Variants in GPBP1 observed in about 807,000 individuals in gnomAD.
The protein encoded by GPBP1 is GC-rich promoter binding protein 1.
GPBP1 carries 13 observed loss-of-function variants against 56.5 expected under a neutral mutation model. The ratio of observed to expected loss-of-function variants is 0.23; its 90% CI spans 0.15 to 0.37. The LOEUF (loss-of-function observed/expected upper bound fraction) is 0.37. Ranked by LOEUF, GPBP1 falls within the 10% of genes least tolerant of loss-of-function variation. GPBP1 has a pLI of 1.00. For missense variants in GPBP1, 477 were observed against 572.3 expected (o/e 0.83, Z 1.70); for synonymous variants, 204 against 188.9 (o/e 1.08, Z -0.66).
chr5:57,205,375 T>G (rs943955498), intron 2 of GPBP1, among the ~76,000 whole-genome samples: 3 of 152,238 alleles, frequency 2.0e-5, no homozygotes, highest in Non-Finnish European at 4.4e-5. Flanking sequence ...AGTGCTGTTT[T>G]GAACACTGGT....
intron 2 of GPBP1, among the ~76,000 whole-genome samples, chr5:57,187,829 T>G (rs979431111): frequency 2.0e-5 from 3 of 151,878 alleles, no homozygotes; most frequent in African/African-American, 7.3e-5. Flanking sequence ...AGGGAGAGAT[T>G]ATGAATTGGA....
At chr5:57,193,636 A>AC (rs58367906) in intron 2 of GPBP1, among the ~76,000 whole-genome samples, 13 of 149,914 alleles carry the variant, frequency 8.7e-5, no homozygotes, top group African/African-American at 3.2e-4. Context: ...AAAAAAAAAA[A>AC]CTATGAAAAG....
intron 8 of GPBP1, among the ~76,000 whole-genome samples, chr5:57,248,419 A>ATTTTTT (rs70999069): frequency 1.0e-5 from 1 of 99,352 alleles, no homozygotes; most frequent in Non-Finnish European, 1.8e-5. Flanking sequence ...CTCATATACT[A>ATTTTTT]TTTTTTTTTT....
chr5:57,186,404 T>G (rs115915471), intron 2 of GPBP1, among the ~76,000 whole-genome samples: 4 of 118,418 alleles, frequency 3.4e-5, no homozygotes, highest in Middle Eastern at 4.7e-3. Context: ...AAAAAAAAAA[T>G]TTTTTTTTCT....
chr5:57,211,105 C>T (rs1028212576), intron 2 of GPBP1, among the ~76,000 whole-genome samples: 3 of 150,966 alleles, frequency 2.0e-5, no homozygotes, highest in Admixed American at 6.6e-5. Flanking sequence ...ACTTGTGAAA[C>T]TTTAATTAGC....
intron 3 of GPBP1, among the ~76,000 whole-genome samples, chr5:57,214,853 G>A (rs756972057): frequency 8.5e-5 from 13 of 152,142 alleles, no homozygotes; most frequent in Non-Finnish European, 4.4e-5. Context: ...GTAGAGGTGA[G>A]GTTTTGCCAT....
rs775993166 is a variant in GPBP1 at position 57,262,622 on chromosome 5, G to T, written c.1292G>T (p.Gly431Val). The change falls in exon 12 of 12, where the codon GGT becomes GTT. Residue 431 changes from glycine to valine, a missense_variant. Around this residue, in one of 2 missense-constraint regions of GPBP1, gnomAD observed 63 missense variants for 114.0 expected, o/e 0.55. Transcript: ENST00000506184. ...QLQKNGLRKN[G>V]ILKNGLICDF... ...CAGAAGAATGGTCTGAGAAAAAATG[G>T]TATTTTGAAAAATGGCTTGATCTGT... is the stretch of plus-strand genomic sequence containing the variant. The T allele has an allele frequency of 5.0e-6, 8 of 1,613,058 alleles. No individual in the cohort carries two copies. The highest frequency in any genetic ancestry group is 1.7e-5 in the Admixed American group (1 of 59,888).
chr5:57,179,292 T>C (rs1368308733), intron 2 of GPBP1, among the ~76,000 whole-genome samples: 1 of 152,258 alleles, frequency 6.6e-6, no homozygotes, highest in African/African-American at 2.4e-5. Context: ...CTAAGAGATA[T>C]TACTGTTTTG....
intron 2 of GPBP1, among the ~76,000 whole-genome samples, chr5:57,208,625 C>CA (rs1755338877): frequency 6.6e-6 from 1 of 150,400 alleles, no homozygotes; most frequent in Non-Finnish European, 1.5e-5. Flanking sequence ...TCCCAGTCCT[C>CA]AAACACAGGG....
chr5:57,179,874 G>C (rs911467583), intron 2 of GPBP1, among the ~76,000 whole-genome samples: 3 of 152,126 alleles, frequency 2.0e-5, no homozygotes, highest in Non-Finnish European at 4.4e-5. Flanking sequence ...TGGGATTATG[G>C]GTGAGAGCCA....
intron 2 of GPBP1, among the ~76,000 whole-genome samples, chr5:57,190,487 G>A (rs957386537): frequency 6.6e-6 from 1 of 151,732 alleles, no homozygotes; most frequent in South Asian, 2.1e-4. Context: ...GGGAGGCTGA[G>A]GCGGGAGAAC....
chr5:57,231,222 A>C lies in GPBP1; in HGVS notation c.312A>C (p.Ala104=), dbSNP rs773157793. 1 of 1,614,142 alleles carries C rather than the reference A, an allele frequency of 6.2e-7. No homozygotes were observed. Among genetic ancestry groups the C allele is most frequent in the South Asian group, 1.1e-5 (1 of 91,076 alleles). The part of the protein sequence containing the change: ...SSRSRSSIFH[A]GKSQGLHENN... ...GTTCTCGTAGCAGTATTTTCCATGC[A>C]GGAAAAAGCCAAGGACTACATGAAA... The change falls in exon 5 of 12, where the codon GCA becomes GCC. Residue 104 remains alanine (A), a synonymous_variant. Transcript: ENST00000506184.
At position 57,262,853 on chromosome 5, in the gene GPBP1, C is replaced by T. The variant is rs200140806; in HGVS notation, c.*101C>T. The T allele has an allele frequency of 1.2e-5, 13 of 1,082,332 alleles. No homozygotes were observed. The East Asian group carries it at 3.2e-4, about 27-fold the overall frequency. The allele number at this position is 1,082,332 out of a possible 1,614,324, so 67.0% of individuals were successfully genotyped here. On this transcript the variant is annotated 3_prime_UTR_variant, in exon 12 of 12. Transcript: ENST00000506184. The stretch of plus-strand genomic sequence containing the variant: ...GAACTATAATTTATGTAGTGAAATA[C>T]CCCATTAGAAGAGGATTTTTTGGGG...
rs552621365 is a variant in GPBP1, at chr5:57,227,129, C to T, written c.64-3717C>T. 1.4e-4 allele frequency among the ~76,000 whole-genome samples: 22 copies of T among 152,090 alleles called. No individual in the cohort carries two copies. In the South Asian group the frequency reaches 1.5e-3, roughly 10 times the overall value. ...GTGCAGTGGTGCAATCTTGGCTGACCGCAACCTCCACCTCCCAGGTTCAAG... is the reference window on the plus strand; with the variant it reads ...GTGCAGTGGTGCAATCTTGGCTGACTGCAACCTCCACCTCCCAGGTTCAAG... On this transcript the variant is annotated intron_variant, in intron 3 of 11. Transcript: ENST00000506184.
intron 2 of GPBP1, among the ~76,000 whole-genome samples, chr5:57,193,684 T>G (rs1754628400): frequency 6.6e-6 from 1 of 151,678 alleles, no homozygotes; most frequent in African/African-American, 2.4e-5. Context: ...TTCGTAGGAT[T>G]AGGCGTGTTT....
At chr5:57,260,078 A>G (rs760916289) in intron 10 of GPBP1, among the ~76,000 whole-genome samples, 1 of 152,100 alleles carries the variant, frequency 6.6e-6, no homozygotes, top group Non-Finnish European at 1.5e-5. Flanking sequence ...TGAAAGCTCT[A>G]TTTTTGTCTG....
At chr5:57,250,216 C>T (rs1741317327) in intron 9 of GPBP1, among the ~76,000 whole-genome samples, 1 of 151,600 alleles carries the variant, frequency 6.6e-6, no homozygotes, top group South Asian at 2.1e-4. Context: ...GTTGGCCAGA[C>T]TGGTCTTGAA....
chr5:57,186,161 C>G (rs1754277445), intron 2 of GPBP1, among the ~76,000 whole-genome samples: 1 of 151,924 alleles, frequency 6.6e-6, no homozygotes. Flanking sequence ...CTTTAGGAGG[C>G]TGAGGCTGGA....
intron 2 of GPBP1, among the ~76,000 whole-genome samples, chr5:57,189,308 G>A (rs929344051): frequency 1.4e-4 from 21 of 152,132 alleles, no homozygotes; most frequent in African/African-American, 4.6e-4. Flanking sequence ...TAGTAGAGAC[G>A]GGGCTTTGTC....
Sources: allele counts gnomAD v4.1 joint callset (sites outside exome capture counted in the v4.1 genomes callset), GRCh38; gene constraint gnomAD v4.1.1; regional missense constraint gnomAD v4.1.1; transcripts MANE v1.5; gene names NCBI Gene and HGNC (gene_info 2026-07-23, HGNC 2026-07-21).